The following LRP2 variants were observed in gnomAD, a reference collection of about 807,000 sequenced individuals.
The protein encoded by LRP2 is LDL receptor related protein 2, also known as low-density lipoprotein receptor-related protein 2.
Under a neutral mutation model 531.0 loss-of-function variants are expected in LRP2, and 172 were observed. The observed-to-expected ratio is 0.32, with a 90% CI of 0.29 to 0.37. The LOEUF is 0.37. Ranked by LOEUF, LRP2 falls within the 10% of genes least tolerant of loss-of-function variation. LRP2 has a pLI of 1.00. For missense variants in LRP2, 5,167 were observed against 5,868.3 expected, an observed-to-expected ratio of 0.88 and a Z score of 3.90; for synonymous variants, 1,992 against 2,027.6, an observed-to-expected ratio of 0.98 and a Z score of 0.47.
At chr2:169,132,381 T>C (rs1377793556) in intron 77 of LRP2, among the ~76,000 whole-genome samples, 193 bp downstream of exon 77, 1 of 152,220 alleles carries the variant, frequency 6.6e-6, no homozygotes, top group African/African-American at 2.4e-5. Flanking sequence ...AACTCGATGT[T>C]AGAATGTAGC....
intron 4 of LRP2, among the ~76,000 whole-genome samples, 183 bp from the exon 5 acceptor site, chr2:169,294,893 A>T (rs533137848): frequency 2.4e-5 from 2 of 84,854 alleles, no homozygotes; most frequent in African/African-American, 6.0e-5. Context: ...GGAGACAGAC[A>T]TTAATCAAAT....
At position 169,150,923 on chromosome 2, in the gene LRP2, C is replaced by A; in HGVS notation, c.12565G>T (p.Ala4189Ser). 6.2e-7 allele frequency: 1 copy of A among 1,614,088 alleles called. No individual in the cohort carries two copies. Among genetic ancestry groups the A allele is most frequent in the Non-Finnish European group, 8.5e-7 (1 of 1,179,946 alleles). Residue 4189 changes from alanine to serine, a missense_variant, in exon 68 of 79, where the codon GCT (alanine) becomes TCT (serine). By Grantham distance (99) the Ala-to-Ser change is moderately conservative. Coordinates refer to ENST00000649046, the MANE Select transcript of LRP2 (RefSeq NM_004525.3). Reference protein sequence around the residue: ...LISTDLDQPAAIAVNPKLGLM... With the variant: ...LISTDLDQPASIAVNPKLGLM... ...CCTAGTTTGGGATTCACAGCAATAG[C>A]AGCTGGTTGGTCCAGGTCAGTGGAA...
At chr2:169,336,632 G>A (rs1033648062) in intron 1 of LRP2, among the ~76,000 whole-genome samples, 1 of 152,060 alleles carries the variant, frequency 6.6e-6, no homozygotes, top group East Asian at 1.9e-4. Context: ...ATGAAACAGA[G>A]AGACCTTACC....
intron 4 of LRP2, among the ~76,000 whole-genome samples, chr2:169,295,982 C>A (rs912475060): frequency 1.3e-5 from 2 of 151,850 alleles, no homozygotes; most frequent in African/African-American, 2.4e-5. Flanking sequence ...ACTTAAGAAC[C>A]CAATTTGAGA....
At chr2:169,307,196 C>T in intron 4 of LRP2, 85 bp downstream of exon 4, 6 of 903,824 alleles carry the variant, frequency 6.6e-6, no homozygotes, top group Non-Finnish European at 5.6e-6. Context: ...GCATTTATGT[C>T]CATCAACAAA....
intron 1 of LRP2, among the ~76,000 whole-genome samples, chr2:169,328,451 A>AAGAAAAAAAAAAAAAG (rs201511143): frequency 1.5e-5 from 2 of 136,012 alleles, no homozygotes; most frequent in Non-Finnish European, 3.1e-5. Context: ...TAAAAAAAAA[A>AAGAAAAAAAAAAAAAG]AAAAAAAAAA....
intron 41 of LRP2, 116 bp downstream of exon 41, chr2:169,205,363 T>G: frequency 9.0e-7 from 1 of 1,116,970 alleles, no homozygotes; most frequent in East Asian, 2.4e-5. Flanking sequence ...GATTCTATAT[T>G]CTGGCAATGT....
intron 63 of LRP2, among the ~76,000 whole-genome samples, chr2:169,160,084 T>G (rs1401484839): frequency 6.6e-6 from 1 of 152,324 alleles, no homozygotes; most frequent in East Asian, 1.9e-4. Context: ...AGAAATACCC[T>G]ACTTTCCATT....
Position 169,336,395 on chromosome 2 carries a change from C to A in LRP2, c.80-15511G>T, listed in dbSNP as rs572194915. ...TGTACTGAAAATACAAAAAAATTAG[C>A]CAGGCGCGGTGGCATGCACCTGTAA... On this transcript the variant is annotated intron_variant, in intron 1 of 78. Coordinates refer to ENST00000649046, the MANE Select transcript of LRP2 (RefSeq NM_004525.3). Among the ~76,000 whole-genome samples the A allele has an allele frequency of 8.5e-5, 13 of 152,102 alleles. No individual in the cohort carries two copies. In the South Asian group the frequency reaches 2.5e-3, roughly 29 times the overall value.
intron 77 of LRP2, among the ~76,000 whole-genome samples, chr2:169,131,974 C>T (rs1339665227): frequency 6.6e-6 from 1 of 152,146 alleles, no homozygotes; most frequent in South Asian, 2.1e-4. Context: ...GACCTGCAGG[C>T]ATGTTTAAGA....
chr2:169,343,710 G>T (rs1289119234), intron 1 of LRP2, among the ~76,000 whole-genome samples: 1 of 152,162 alleles, frequency 6.6e-6, no homozygotes, highest in Non-Finnish European at 1.5e-5. Context: ...TACCAGAAAG[G>T]GTTTGGCCAC....
chr2:169,227,391 T>C (rs770157750), intron 31 of LRP2, among the ~76,000 whole-genome samples: 13 of 152,252 alleles, frequency 8.5e-5, no homozygotes, highest in Non-Finnish European at 1.6e-4. Flanking sequence ...CATAATATCT[T>C]AAACTATCAG....
At position 169,227,447 on chromosome 2, in the gene LRP2, T is replaced by C. The variant is rs566542652; in HGVS notation, c.5228-859A>G. ...ATAATAAAAGTTCCTTTTTCAAAAA[T>C]AATTTAATCTTTATCCTGATCCCCA... On this transcript the variant is annotated intron_variant, in intron 31 of 78. Coordinates refer to ENST00000649046, the MANE Select transcript of LRP2 (RefSeq NM_004525.3). 1.2e-4 allele frequency among the ~76,000 whole-genome samples: 18 copies of C among 152,350 alleles called. No homozygotes were observed. In the South Asian group the frequency reaches 1.2e-3, roughly 11 times the overall value.
chr2:169,328,287 G>A (rs376576777), intron 1 of LRP2, among the ~76,000 whole-genome samples: 1 of 119,318 alleles, frequency 8.4e-6, no homozygotes, highest in Admixed American at 8.1e-5. Flanking sequence ...GGAGGGAGGT[G>A]GGGGGGTCAG....
chr2:169,181,522 C>G lies in LRP2; in HGVS notation c.10095G>C (p.Glu3365Asp). 1 of 1,614,208 alleles carries G rather than the reference C, an allele frequency of 6.2e-7. No individual in the cohort carries two copies. Among genetic ancestry groups the G allele is most frequent in the African/African-American group, 1.3e-5 (1 of 75,046 alleles). Residue 3365 changes from glutamate (E) to aspartate (D), a missense_variant, in exon 52 of 79, where the codon GAG (glutamate) becomes GAC (aspartate). Glu to Asp is a conservative substitution (Grantham distance 45). This residue lies in a region of LRP2 where 1,129 missense variants were observed against 1,362.7 expected (regional missense o/e 0.83). Coordinates refer to ENST00000649046, the MANE Select transcript of LRP2 (RefSeq NM_004525.3). ...AATCAATGGTGATGCCATTAGGCCA[C>G]TCTAACTTGGTGGAGATTATCACAG... is the stretch of plus-strand genomic sequence containing the variant. Reference protein sequence around the residue: ...NKSVIISTKLEWPNGITIDYT... With the variant: ...NKSVIISTKLDWPNGITIDYT...
At chr2:169,210,744 T>G (rs986867054) in intron 37 of LRP2, among the ~76,000 whole-genome samples, 29 of 152,232 alleles carry the variant, frequency 1.9e-4, no homozygotes, top group African/African-American at 7.0e-4. Context: ...TATAAAATAT[T>G]GTGAGGCCAA....
At position 169,294,255 on chromosome 2, in the gene LRP2, A is replaced by T; in HGVS notation, c.545T>A (p.Ile182Lys). The T allele has an allele frequency of 6.3e-7, 1 of 1,584,804 alleles. No homozygotes were observed. The highest frequency in any genetic ancestry group is 8.7e-7 in the Non-Finnish European group (1 of 1,153,242). Residue 182 changes from isoleucine to lysine, a missense_variant, in exon 6 of 79, where the codon ATA becomes AAA. Coordinates refer to ENST00000649046, the MANE Select transcript of LRP2 (RefSeq NM_004525.3). ...ACATGAAAACTCATTGTGCAAGCAT[A>T]TCTCAGCTGCAACAGAAAGTTAAGA... ...DSSDEINCTE[I>K]CLHNEFSCGN...
At chr2:169,232,971 T>C (rs1689465180) in intron 30 of LRP2, among the ~76,000 whole-genome samples, 3 of 152,212 alleles carry the variant, frequency 2.0e-5, no homozygotes, top group Admixed American at 2.0e-4. Flanking sequence ...TAGACACCCA[T>C]ACCATGCACT....
At chr2:169,204,294 T>A in intron 41 of LRP2, 23 bp from the exon 42 acceptor site, 1 of 1,606,392 alleles carries the variant, frequency 6.2e-7, no homozygotes, top group Non-Finnish European at 8.5e-7. Flanking sequence ...AAAAAAAAAT[T>A]TAGAAGTTGA....
Sources: allele counts gnomAD v4.1 joint callset (sites outside exome capture counted in the v4.1 genomes callset), GRCh38; gene constraint gnomAD v4.1.1; regional missense constraint gnomAD v4.1.1; transcripts MANE v1.5; gene names NCBI Gene and HGNC (gene_info 2026-07-23, HGNC 2026-07-21).